The following KAT8 variants were observed in gnomAD, a reference collection of about 807,000 sequenced individuals.
KAT8 encodes the protein histone acetyltransferase KAT8.
A neutral mutation model predicts 62.9 loss-of-function variants in KAT8; 40 were observed. That is an observed-to-expected ratio of 0.64 (90% CI 0.49 to 0.83). The LOEUF is 0.83. Ranked by LOEUF, KAT8 falls within the 40% of genes least tolerant of loss-of-function variation. The pLI, the probability that KAT8 is intolerant of heterozygous loss-of-function variation, is 0.00. For missense variants in KAT8, 387 were observed against 614.8 expected, an observed-to-expected ratio of 0.63 and a Z score of 3.92; for synonymous variants, 278 against 254.5, an observed-to-expected ratio of 1.09 and a Z score of -0.88.
Position 31,120,458 on chromosome 16 carries a change from C to T in KAT8, c.406C>T (p.Arg136Cys), listed in dbSNP as rs1362778508. ...GAGCGAGCTCGCAGAGCAGCCTGAGCGCAAGATCACTCGCAACCAAAAGCG... is the reference window on the plus strand; with the variant it reads ...GAGCGAGCTCGCAGAGCAGCCTGAGTGCAAGATCACTCGCAACCAAAAGCG... Reference protein sequence around the residue: ...YLSELAEQPERKITRNQKRKH... With the variant: ...YLSELAEQPECKITRNQKRKH... Residue 136 changes from arginine (R) to cysteine (C), a missense_variant, in exon 3 of 11, where the codon CGC (arginine) becomes TGC (cysteine). Arg to Cys is a radical substitution (Grantham distance 180). Coordinates refer to ENST00000219797, the MANE Select transcript of KAT8 (RefSeq NM_032188.3). 1 of 1,613,748 alleles carries T rather than the reference C, an allele frequency of 6.2e-7. No individual in the cohort carries two copies. The highest frequency in any genetic ancestry group is 1.7e-5 in the Admixed American group (1 of 60,022).
chr16:31,131,006 A>G (rs1225545493), intron 10 of KAT8, 106 bp downstream of exon 10: 4 of 1,522,682 alleles, frequency 2.6e-6, no homozygotes, highest in Non-Finnish European at 8.8e-7. Flanking sequence ...CAAACCAGTC[A>G]GACCAGCTCC....
At chr16:31,128,960 G>A (rs748277674) in intron 6 of KAT8, among the ~76,000 whole-genome samples, 14 of 152,194 alleles carry the variant, frequency 9.2e-5, no homozygotes, top group Non-Finnish European at 1.8e-4. Flanking sequence ...CTGGTTTCCC[G>A]CAGATGGGCC....
chr16:31,127,434 G>C, intron 5 of KAT8, 81 bp downstream of exon 5: 3 of 1,464,742 alleles, frequency 2.0e-6, no homozygotes, highest in South Asian at 1.2e-5. Context: ...GGGCGGCTGC[G>C]CCGGCAGCTC....
intron 3 of KAT8, chr16:31,124,175 C>G (rs959414769): frequency 6.6e-6 from 1 of 152,218 alleles, no homozygotes; most frequent in Non-Finnish European, 1.5e-5. Context: ...TCTTCCTCAT[C>G]TTTACAGTGG....
chr16:31,120,518 C>T lies in KAT8; in HGVS notation c.462+4C>T, dbSNP rs371267154. On this transcript the variant is annotated splice_donor_region_variant and intron_variant, in intron 3 of 10. Transcript: ENST00000219797. ...TGAGATCAACCATGTGCAGAAGGTC[C>T]GGATCCCTTCCCATCCACGGGCCCA... 6.9e-6 allele frequency: 11 copies of T among 1,594,812 alleles called. No individual in the cohort carries two copies. Among genetic ancestry groups the T allele is most frequent in the Middle Eastern group, 1.7e-4 (1 of 5,944 alleles).
At chr16:31,126,458 T>C (rs1351083983) in intron 3 of KAT8, 1 of 154,892 alleles carries the variant, frequency 6.5e-6, no homozygotes, top group East Asian at 1.9e-4. Flanking sequence ...AGCCTAGTTA[T>C]GGGTCTTGGA....
intron 3 of KAT8, among the ~76,000 whole-genome samples, chr16:31,122,029 G>A (rs1477674163): frequency 6.6e-6 from 1 of 152,176 alleles, no homozygotes; most frequent in Non-Finnish European, 1.5e-5. Context: ...GGGATTACAG[G>A]TGTGAGCCAC....
At chr16:31,121,507 A>G (rs1031904186) in intron 3 of KAT8, among the ~76,000 whole-genome samples, 1 of 152,098 alleles carries the variant, frequency 6.6e-6, no homozygotes, top group African/African-American at 2.4e-5. Context: ...AGATAAGTTT[A>G]GGGACCCAGA....
In KAT8 at chr16:31,131,252, A is replaced by G; in HGVS notation, c.1370A>G (p.Lys457Arg). 2 of 1,614,210 alleles carry G rather than the reference A, an allele frequency of 1.2e-6. No individual in the cohort carries two copies. The highest frequency in any genetic ancestry group is 2.2e-5 in the East Asian group (1 of 44,880). The change falls in exon 11 of 11, where the codon AAG (lysine) becomes AGG (arginine). Residue 457 changes from lysine (K) to arginine (R), a missense_variant. This residue lies in a region of KAT8 where 75 missense variants were observed against 105.7 expected (regional missense o/e 0.71). Transcript: ENST00000219797. ...AAGCACAAGCAAGTCAAGCTCTCCA[A>G]GAAGTGAGCAGCCTGGCCCCTGCTG... ...PPKHKQVKLS[K>R]K
intron 1 of KAT8, among the ~76,000 whole-genome samples, chr16:31,119,290 C>T (rs1325485242): frequency 1.3e-5 from 2 of 151,918 alleles, no homozygotes; most frequent in Admixed American, 6.6e-5. Flanking sequence ...GCTGGGACTA[C>T]AGTTGTGCGC....
chr16:31,119,522 C>T (rs1207296350), intron 1 of KAT8, among the ~76,000 whole-genome samples: 4 of 152,164 alleles, frequency 2.6e-5, no homozygotes, highest in Admixed American at 6.5e-5. Context: ...TGAACAACTG[C>T]GGGTATGTGG....
rs1462570157 is a variant in KAT8, at chr16:31,117,896, A to G, written c.211+4A>G. 2.0e-6 allele frequency: 2 copies of G among 1,018,408 alleles called. No homozygotes were observed. Among genetic ancestry groups the G allele is most frequent in the South Asian group, 2.6e-5 (1 of 38,392 alleles). The allele number at this position is 1,018,408 out of a possible 1,614,324, so 63.1% of individuals were successfully genotyped here. ...CGGCGACCGGATAGCACCTGGCGTG[A>G]GGGCGGGGCCCAGGGCTGGGGGCGG... is the stretch of plus-strand genomic sequence containing the variant. On this transcript the variant is annotated splice_donor_region_variant and intron_variant, in intron 1 of 10. Coordinates refer to ENST00000219797, the MANE Select transcript of KAT8 (RefSeq NM_032188.3).
intron 3 of KAT8, 43 bp downstream of exon 3, chr16:31,120,557 C>T (rs1177766634): frequency 6.4e-7 from 1 of 1,569,390 alleles, no homozygotes; most frequent in South Asian, 1.1e-5. Context: ...GGCCCAGCTT[C>T]TCTGCCAGTT....
At position 31,130,601 on chromosome 16, in the gene KAT8, C is replaced by T. The variant is rs772819501; in HGVS notation, c.1152C>T (p.Asp384=). Residue 384 remains aspartate (D), a synonymous_variant, in exon 9 of 11, where the codon GAC becomes GAT. Transcript: ENST00000219797. ...RDFRGTLSIK[D]LSQMTSITQN... ...TCCGGGGCACACTGTCCATCAAGGA[C>T]CTCAGGTGAGGGGGCCTCCCGGGCC... is the stretch of plus-strand genomic sequence containing the variant. The T allele has an allele frequency of 8.1e-6, 13 of 1,614,110 alleles. 1 individual carries two copies. In the South Asian group the frequency reaches 1.4e-4, roughly 18 times the overall value.
intron 6 of KAT8, 47 bp downstream of exon 6, chr16:31,128,186 A>T (rs761772974): frequency 7.0e-7 from 1 of 1,424,166 alleles, no homozygotes; most frequent in Non-Finnish European, 9.9e-7. Flanking sequence ...GGCCCTGGGC[A>T]CCTCCCAGAT....
intron 5 of KAT8, among the ~76,000 whole-genome samples, chr16:31,127,642 C>T (rs2057542784): frequency 6.6e-6 from 1 of 152,246 alleles, no homozygotes; most frequent in Non-Finnish European, 1.5e-5. Context: ...TCCCAGGAAG[C>T]ACACATAGCC....
intron 10 of KAT8, 49 bp from the exon 11 acceptor site, chr16:31,131,146 G>A: frequency 6.2e-7 from 1 of 1,608,638 alleles, no homozygotes; most frequent in Non-Finnish European, 8.5e-7. Context: ...CCAGGTGTGA[G>A]CTGGCCTGGC....
intron 3 of KAT8, among the ~76,000 whole-genome samples, chr16:31,123,065 C>T (rs2057508925): frequency 6.6e-6 from 1 of 152,036 alleles, no homozygotes; most frequent in Non-Finnish European, 1.5e-5. Flanking sequence ...CACCTGTAAT[C>T]CCGGCTACTT....
At chr16:31,120,809 A>T (rs1181926117) in intron 3 of KAT8, 1 of 328,604 alleles carries the variant, frequency 3.0e-6, no homozygotes, top group Non-Finnish European at 5.6e-6. Flanking sequence ...TAGTAGAAAA[A>T]ATGACTTGAA....
Sources: allele counts gnomAD v4.1 joint callset (sites outside exome capture counted in the v4.1 genomes callset), GRCh38; gene constraint gnomAD v4.1.1; regional missense constraint gnomAD v4.1.1; transcripts MANE v1.5; gene names NCBI Gene and HGNC (gene_info 2026-07-23, HGNC 2026-07-21).